Variants in GPATCH2L observed in about 807,000 individuals in gnomAD.
The protein encoded by GPATCH2L is G patch domain-containing protein 2-like.
In GPATCH2L, 31 loss-of-function variants were observed where a neutral mutation model predicts 57.4. The ratio of observed to expected loss-of-function variants is 0.54; its 90% confidence interval spans 0.41 to 0.73. The LOEUF (loss-of-function observed/expected upper bound fraction) is 0.73. Ranked by LOEUF, GPATCH2L falls within the 30% of genes least tolerant of loss-of-function variation. The pLI is 0.00. For synonymous variants in GPATCH2L, 199 were observed against 210.7 expected (o/e 0.94, Z 0.48); for missense variants, 481 against 599.9 (o/e 0.80, Z 2.07).
At chr14:76,176,922 A>G (rs1425939857) in intron 6 of GPATCH2L, among the ~76,000 whole-genome samples, 1 of 152,188 alleles carries the variant, frequency 6.6e-6, no homozygotes, top group African/African-American at 2.4e-5. Context: ...ATGCTGCATT[A>G]GTAGCCTCCA....
At chr14:76,166,592 C>A in intron 2 of GPATCH2L, 71 bp from the exon 3 acceptor site, 1 of 1,021,438 alleles carries the variant, frequency 9.8e-7, no homozygotes, top group Non-Finnish European at 1.5e-6. Flanking sequence ...GCTTGAAAAC[C>A]AAAATAAGTG....
At chr14:76,158,113 G>T (rs1260256721) in intron 2 of GPATCH2L, among the ~76,000 whole-genome samples, 1 of 151,880 alleles carries the variant, frequency 6.6e-6, no homozygotes, top group East Asian at 1.9e-4. Flanking sequence ...TGTTCCCCTT[G>T]AATATAGTTT....
At position 76,209,862 on chromosome 14, in the gene GPATCH2L, A is replaced by G. The variant is rs188676376; in HGVS notation, c.*8011A>G. On this transcript the variant is annotated 3_prime_UTR_variant, in exon 10 of 10. Transcript: ENST00000261530. Reference sequence around the variant, plus strand: ...GGGTAGGTGGATCTGATTAGTAGTCATATGCCTGTGTCCTGGCTAGGAAGT... The same window carrying G: ...GGGTAGGTGGATCTGATTAGTAGTCGTATGCCTGTGTCCTGGCTAGGAAGT... 2.6e-5 allele frequency: 4 copies of G among 152,318 alleles called. No homozygotes were observed. The highest frequency in any genetic ancestry group is 2.6e-4 in the Admixed American group (4 of 15,294). The allele number at this position is 152,318 out of a possible 1,614,324, so 9.4% of individuals were successfully genotyped here. A position where few individuals can be genotyped will look rare whatever the true frequency, so the allele number is the denominator to read the frequency against.
chr14:76,159,505 A>C (rs2038471575), intron 2 of GPATCH2L, among the ~76,000 whole-genome samples: 1 of 152,078 alleles, frequency 6.6e-6, no homozygotes, highest in Non-Finnish European at 1.5e-5. Context: ...CAGAGCCCCT[A>C]GCCCAGTGCT....
rs59666429 is a variant in GPATCH2L, at chr14:76,162,315, G to A, written c.663-4348G>A. Among the ~76,000 whole-genome samples, 9 of 152,126 alleles carry A rather than the reference G, an allele frequency of 5.9e-5. No homozygotes were observed. The East Asian group carries it at 1.3e-3, about 23-fold the overall frequency. On this transcript the variant is annotated intron_variant, in intron 2 of 9. Coordinates refer to ENST00000261530, the MANE Select transcript of GPATCH2L (RefSeq NM_017926.4). The stretch of plus-strand genomic sequence containing the variant: ...CATGGGCCTCTCCGCATGCCCATCC[G>A]CATCTGTAGGACATGGTAGTTGGCT...
In GPATCH2L at chr14:76,172,027, C is replaced by G; in HGVS notation, c.904+8C>G. On this transcript the variant is annotated splice_region_variant and intron_variant, in intron 4 of 9. Transcript: ENST00000261530. ...CTCGGCCAGCTCAAAGAGGTGAGTT[C>G]TGAGGAGACCAAGAACTTAATGCTT... The G allele has an allele frequency of 6.4e-7, 1 of 1,574,520 alleles. No homozygotes were observed. The highest frequency in any genetic ancestry group is 2.3e-5 in the East Asian group (1 of 43,792).
chr14:76,168,544 TTG>T (rs775869379), intron 3 of GPATCH2L, among the ~76,000 whole-genome samples: 4 of 152,162 alleles, frequency 2.6e-5, no homozygotes, highest in Non-Finnish European at 4.4e-5. Context: ...ACTCAGTGTA[TTG>T]TATTTTGGGA....
chr14:76,196,076 AT>A, intron 9 of GPATCH2L, 104 bp downstream of exon 9: 1 of 883,006 alleles, frequency 1.1e-6, no homozygotes, highest in South Asian at 1.3e-5. Flanking sequence ...AGTGTAGGTC[AT>A]TTTATTCCCA....
At chr14:76,181,537 C>T (rs565930349) in intron 8 of GPATCH2L, among the ~76,000 whole-genome samples, 41 of 151,902 alleles carry the variant, frequency 2.7e-4, no homozygotes, top group African/African-American at 9.7e-4. Context: ...TTTTCTTTTT[C>T]ACTTTATCCC....
At chr14:76,177,279 C>T (rs540792432) in intron 6 of GPATCH2L, among the ~76,000 whole-genome samples, 1 of 152,280 alleles carries the variant, frequency 6.6e-6, no homozygotes, top group Non-Finnish European at 1.5e-5. Context: ...CTCCTGGGCT[C>T]AAGCGATTTG....
In GPATCH2L at chr14:76,211,165, G is replaced by C. The variant is rs1360869502; in HGVS notation, c.*9314G>C. On this transcript the variant is annotated 3_prime_UTR_variant, in exon 10 of 10. Transcript: ENST00000261530. Reference sequence around the variant, plus strand: ...TATTCAGAGCACTGCAAGTGTTTTAGTATGGCCCACATGTAAAGCTTACAG... The same window carrying C: ...TATTCAGAGCACTGCAAGTGTTTTACTATGGCCCACATGTAAAGCTTACAG... The C allele has an allele frequency of 1.3e-5, 2 of 152,230 alleles. No individual in the cohort carries two copies. The highest frequency in any genetic ancestry group is 4.8e-5 in the African/African-American group (2 of 41,436). The allele number at this position is 152,230 out of a possible 1,614,324, so 9.4% of individuals were successfully genotyped here. A position where few individuals can be genotyped will look rare whatever the true frequency, so the allele number is the denominator to read the frequency against.
At position 76,176,631 on chromosome 14, in the gene GPATCH2L, C is replaced by T. The variant is rs946600364; in HGVS notation, c.993C>T (p.Ser331=). ...GRRRLVGKET[S]INTLGTERIS... ...CTGCCTTTTCTTTTTAGGAGACCAG[C>T]ATAAACACTTTGGGGACTGAGAGGA... Residue 331 remains serine (S), a synonymous_variant, in exon 6 of 10, where the codon AGC becomes AGT. Transcript: ENST00000261530. 6.2e-7 allele frequency: 1 copy of T among 1,607,220 alleles called. No homozygotes were observed. Among genetic ancestry groups the T allele is most frequent in the East Asian group, 2.2e-5 (1 of 44,844 alleles).
chr14:76,181,931 G>A (rs1384938448), intron 8 of GPATCH2L, among the ~76,000 whole-genome samples: 2 of 152,198 alleles, frequency 1.3e-5, no homozygotes, highest in East Asian at 1.9e-4. Context: ...CATGGATACA[G>A]TTAGAACTTC....
intron 1 of GPATCH2L, among the ~76,000 whole-genome samples, chr14:76,221,846 G>T (rs2040516411): frequency 6.6e-6 from 1 of 152,174 alleles, no homozygotes; most frequent in Non-Finnish European, 1.5e-5. Context: ...GCAGAGCACA[G>T]AAGATTTTTA....
intron 1 of GPATCH2L, among the ~76,000 whole-genome samples, chr14:76,229,407 A>G (rs566788241): frequency 1.3e-5 from 2 of 152,304 alleles, no homozygotes; most frequent in East Asian, 1.9e-4. Flanking sequence ...GGTAAACCCA[A>G]TGATTGTCTG....
At chr14:76,222,386 C>T (rs1255579149) in intron 1 of GPATCH2L, among the ~76,000 whole-genome samples, 1 of 152,028 alleles carries the variant, frequency 6.6e-6, no homozygotes, top group Non-Finnish European at 1.5e-5. Flanking sequence ...GTGGATGGAT[C>T]ATTTAAGTCC....
chr14:76,184,396 C>T (rs1465210700), intron 8 of GPATCH2L, among the ~76,000 whole-genome samples: 1 of 151,542 alleles, frequency 6.6e-6, no homozygotes, highest in Non-Finnish European at 1.5e-5. Context: ...TGCTTCTTGC[C>T]TGGACACTGC....
chr14:76,169,932 T>C (rs2139647509), intron 3 of GPATCH2L, among the ~76,000 whole-genome samples: 2 of 152,292 alleles, frequency 1.3e-5, no homozygotes, highest in African/African-American at 4.8e-5. Flanking sequence ...TGAGGGAACT[T>C]GTTAGAAATA....
At chr14:76,168,628 C>T (rs1020034741) in intron 3 of GPATCH2L, among the ~76,000 whole-genome samples, 19 of 152,250 alleles carry the variant, frequency 1.2e-4, no homozygotes, top group South Asian at 1.2e-3. Context: ...GCCAGGTGAC[C>T]AGGCTAGACC....
Sources: allele counts gnomAD v4.1 joint callset (sites outside exome capture counted in the v4.1 genomes callset), GRCh38; gene constraint gnomAD v4.1.1; transcripts MANE v1.5; gene names NCBI Gene and HGNC (gene_info 2026-07-23, HGNC 2026-07-21).